NFIB: variants seen among roughly 807,000 people sequenced by gnomAD.
The protein encoded by NFIB is nuclear factor 1 B-type.
A neutral mutation model predicts 61.5 loss-of-function variants in NFIB; 11 were observed. The ratio of observed to expected loss-of-function variants is 0.18; its 90% CI spans 0.11 to 0.30. The LOEUF (loss-of-function observed/expected upper bound fraction) is 0.30. Among genes scored for constraint, NFIB ranks in the 10% least tolerant of loss-of-function variants. NFIB has a pLI of 1.00. For missense variants in NFIB, 471 were observed against 608.9 expected, an observed-to-expected ratio of 0.77 and a Z score of 2.38; for synonymous variants, 260 against 216.5, an observed-to-expected ratio of 1.20 and a Z score of -1.76.
intron 2 of NFIB, among the ~76,000 whole-genome samples, chr9:14,181,819 T>A (rs2046812361): frequency 6.6e-6 from 1 of 152,196 alleles, no homozygotes; most frequent in Admixed American, 6.5e-5. Flanking sequence ...CATGCACCCC[T>A]CAAGGTGGCT....
chr9:14,472,583 G>C, the NFIB span, among the ~76,000 whole-genome samples: 1 of 152,168 alleles, frequency 6.6e-6, no homozygotes, highest in African/African-American at 2.4e-5. Context: ...TCTCACGCCT[G>C]TAATCCCAGC....
At chr9:14,251,596 T>A (rs545025210) in intron 2 of NFIB, among the ~76,000 whole-genome samples, 1 of 152,322 alleles carries the variant, frequency 6.6e-6, no homozygotes, top group East Asian at 1.9e-4. Context: ...GTGGTATCGG[T>A]GAACTAGGCA....
chr9:14,214,058 C>A (rs1288569397), intron 2 of NFIB, among the ~76,000 whole-genome samples: 1 of 152,164 alleles, frequency 6.6e-6, no homozygotes, highest in Admixed American at 6.5e-5. Flanking sequence ...CAGAGCCCTC[C>A]TCAACCCTTC....
intron 10 of NFIB, among the ~76,000 whole-genome samples, chr9:14,103,787 G>C (rs1346927377): frequency 2.0e-5 from 3 of 151,970 alleles, no homozygotes. Context: ...GTGATTTTAT[G>C]ATTTAAAGAA....
At chr9:14,379,722 G>A (rs56310179) in intron 1 of NFIB, among the ~76,000 whole-genome samples, 2,155 of 151,710 alleles carry the variant, frequency 0.014, 47 homozygotes, top group African/African-American at 0.048. Context: ...TGCTCTTGTC[G>A]CCCAGGCTGG....
chr9:14,256,272 A>G (rs1164146183), intron 2 of NFIB, among the ~76,000 whole-genome samples: 1 of 152,226 alleles, frequency 6.6e-6, no homozygotes, highest in Admixed American at 6.5e-5. Context: ...TCTCAGTTTC[A>G]TCTTTCATTC....
the NFIB span, among the ~76,000 whole-genome samples, chr9:14,505,091 C>A: frequency 1.3e-5 from 2 of 152,058 alleles, no homozygotes; most frequent in Admixed American, 6.6e-5. Context: ...GAGGTGATCA[C>A]GTGATTTTTG....
At chr9:14,438,038 G>A in the NFIB span, among the ~76,000 whole-genome samples, 2 of 150,354 alleles carry the variant, frequency 1.3e-5, no homozygotes, top group East Asian at 4.0e-4. Flanking sequence ...GTGCGCGTAT[G>A]TGCGTGCGTG....
intron 2 of NFIB, among the ~76,000 whole-genome samples, chr9:14,269,560 T>C (rs912681197): frequency 3.3e-5 from 5 of 152,212 alleles, no homozygotes; most frequent in African/African-American, 1.2e-4. Flanking sequence ...GAGACATATG[T>C]GTTCTTACCA....
At chr9:14,231,131 A>T (rs1169715268) in intron 2 of NFIB, among the ~76,000 whole-genome samples, 45 of 75,426 alleles carry the variant, frequency 6.0e-4, no homozygotes, top group African/African-American at 1.8e-3. Flanking sequence ...AAAAAAAAAA[A>T]AAAAATATAT....
chr9:14,162,043 A>G (rs1426907832), intron 3 of NFIB, among the ~76,000 whole-genome samples: 1 of 152,188 alleles, frequency 6.6e-6, no homozygotes, highest in Non-Finnish European at 1.5e-5. Flanking sequence ...TTTTAATAAA[A>G]TGGACTCATT....
At chr9:14,196,688 T>TAAAAAAA (rs35353437) in intron 2 of NFIB, among the ~76,000 whole-genome samples, 1 of 140,412 alleles carries the variant, frequency 7.1e-6, no homozygotes, top group Non-Finnish European at 1.5e-5. Context: ...TATTCTAACT[T>TAAAAAAA]AAAAAAAAAA....
chr9:14,221,043 A>T (rs2051604223), intron 2 of NFIB, among the ~76,000 whole-genome samples: 1 of 152,130 alleles, frequency 6.6e-6, no homozygotes, highest in African/African-American at 2.4e-5. Flanking sequence ...TAAACTCTGC[A>T]TCCTGAGGTC....
chr9:14,224,724 T>A (rs529907833), intron 2 of NFIB, among the ~76,000 whole-genome samples: 1 of 152,332 alleles, frequency 6.6e-6, no homozygotes, highest in East Asian at 1.9e-4. Context: ...ATTATGGTGT[T>A]TGGTATCCCC....
the NFIB span, among the ~76,000 whole-genome samples, chr9:14,513,566 T>G: frequency 6.9e-6 from 1 of 145,610 alleles, no homozygotes; most frequent in Non-Finnish European, 1.5e-5. Context: ...AGCCGGAGGG[T>G]GCAGTGAGCC....
intron 10 of NFIB, 149 bp downstream of exon 10, chr9:14,112,850 A>G (rs2037580932): frequency 1.5e-6 from 1 of 647,014 alleles, no homozygotes; most frequent in Admixed American, 3.1e-5. Flanking sequence ...CAAAGGATCA[A>G]TGAGAAAAAA....
intron 2 of NFIB, among the ~76,000 whole-genome samples, chr9:14,209,970 T>G (rs1448305963): frequency 6.6e-6 from 1 of 152,210 alleles, no homozygotes; most frequent in African/African-American, 2.4e-5. Context: ...TGCTTTTTAT[T>G]TAATACAAGA....
chr9:14,424,597 A>G, the NFIB span, among the ~76,000 whole-genome samples: 1 of 152,298 alleles, frequency 6.6e-6, no homozygotes, highest in East Asian at 1.9e-4. Flanking sequence ...CAAAAGTGAC[A>G]GCCTCTTTGC....
At chr9:14,463,692 T>TCTGG in the NFIB span, among the ~76,000 whole-genome samples, 4 of 129,570 alleles carry the variant, frequency 3.1e-5, no homozygotes, top group Non-Finnish European at 6.3e-5. Context: ...TGAGACGGAG[T>TCTGG]CTCTGTCACC....
Sources: gnomAD v4.1 joint callset for allele counts (sites outside exome capture counted in the v4.1 genomes callset) on GRCh38, gnomAD v4.1.1 for gene constraint, MANE v1.5 for transcripts, NCBI Gene and HGNC (gene_info 2026-07-23, HGNC 2026-07-21) for gene names.